GABRB1: variants seen among roughly 807,000 people sequenced by gnomAD.
GABRB1 encodes gamma-aminobutyric acid receptor subunit beta-1.
In GABRB1, 17 loss-of-function variants were observed where a neutral mutation model predicts 51.6. The observed-to-expected ratio is 0.33, with a 90% CI of 0.23 to 0.49. GABRB1 has a LOEUF of 0.49. Among genes scored for constraint, GABRB1 ranks in the 20% least tolerant of loss-of-function variants. The probability of loss-of-function intolerance (pLI) is 0.99; values close to 1 mark genes in which losing one functional copy is unlikely to be tolerated. For missense variants in GABRB1, 410 were observed against 600.6 expected, an observed-to-expected ratio of 0.68 and a Z score of 3.32; for synonymous variants, 247 against 218.9, an observed-to-expected ratio of 1.13 and a Z score of -1.14.
intron 3 of GABRB1, among the ~76,000 whole-genome samples, chr4:47,077,290 G>A (rs1226978159): frequency 6.6e-6 from 1 of 152,116 alleles, no homozygotes; most frequent in Non-Finnish European, 1.5e-5. Context: ...TTAGCTTGTT[G>A]GGAGCTAGAT....
At chr4:47,304,013 G>A (rs766729317) in intron 4 of GABRB1, among the ~76,000 whole-genome samples, 28 of 151,984 alleles carry the variant, frequency 1.8e-4, no homozygotes, top group Non-Finnish European at 3.8e-4. Flanking sequence ...AGACTGAATA[G>A]TATTTCACTG....
chr4:47,390,252 C>T (rs974796569), intron 5 of GABRB1, among the ~76,000 whole-genome samples: 4 of 151,556 alleles, frequency 2.6e-5, no homozygotes, highest in African/African-American at 9.7e-5. Flanking sequence ...AATGATTGGC[C>T]TAAGCCAATC....
intron 8 of GABRB1, among the ~76,000 whole-genome samples, chr4:47,423,296 A>C (rs1729148383): frequency 6.6e-6 from 1 of 152,156 alleles, no homozygotes; most frequent in South Asian, 2.1e-4. Flanking sequence ...GCAACACTAG[A>C]GTCTAGTCCA....
rs796792770 is a variant in GABRB1, at chr4:47,354,986, T to TTTTGTTG, written c.544+34780_544+34781insGTTGTTT. On this transcript the variant is annotated intron_variant, in intron 5 of 8. Coordinates refer to ENST00000295454, the MANE Select transcript of GABRB1 (RefSeq NM_000812.4). ...TTTCTTTCTTTCTTCCTTTGTTTTT[T>TTTTGTTG]TTTTTTTTTTTTTTTTTTTGACAGA... 1.5e-5 allele frequency among the ~76,000 whole-genome samples: 2 copies of TTTTGTTG among 130,416 alleles called. 1 individual carries two copies. Among genetic ancestry groups the TTTTGTTG allele is most frequent in the Non-Finnish European group, 3.3e-5 (2 of 61,154 alleles). The allele number at this position is 130,416 out of a possible 152,430, so 85.6% of individuals were successfully genotyped here.
At chr4:47,407,939 A>T (rs919967639) in intron 8 of GABRB1, among the ~76,000 whole-genome samples, 1 of 152,148 alleles carries the variant, frequency 6.6e-6, no homozygotes, top group Non-Finnish European at 1.5e-5. Context: ...AAAAAATATA[A>T]AAATTAGCCG....
chr4:47,112,372 G>A (rs1715259348), intron 3 of GABRB1, among the ~76,000 whole-genome samples: 1 of 152,166 alleles, frequency 6.6e-6, no homozygotes, highest in Non-Finnish European at 1.5e-5. Context: ...CCCAAGTGCT[G>A]GGATTACAGG....
intron 3 of GABRB1, among the ~76,000 whole-genome samples, chr4:47,039,419 C>A (rs564905822): frequency 6.8e-6 from 1 of 148,110 alleles, no homozygotes; most frequent in Non-Finnish European, 1.5e-5. Context: ...AGCTTATAGT[C>A]TTTTTCAAAA....
At chr4:47,405,408 T>A (rs920657264) in intron 7 of GABRB1, among the ~76,000 whole-genome samples, 1 of 152,232 alleles carries the variant, frequency 6.6e-6, no homozygotes, top group African/African-American at 2.4e-5. Flanking sequence ...GAAGTTCTCC[T>A]TTGTCTTTAC....
chr4:47,330,498 G>A (rs962410831), intron 5 of GABRB1, among the ~76,000 whole-genome samples: 1 of 152,166 alleles, frequency 6.6e-6, no homozygotes, highest in African/African-American at 2.4e-5. Context: ...GCTGCAAGAA[G>A]GTAGATTTAG....
intron 4 of GABRB1, among the ~76,000 whole-genome samples, chr4:47,190,812 G>C (rs977428086): frequency 4.6e-5 from 7 of 152,102 alleles, no homozygotes; most frequent in Non-Finnish European, 1.0e-4. Context: ...TGAGATCGTA[G>C]GGAGCACAGT....
rs559219026 is a variant in GABRB1 at position 47,382,345 on chromosome 4, T to A, written c.545-20973T>A. Among the ~76,000 whole-genome samples, 39 of 152,218 alleles carry A rather than the reference T, an allele frequency of 2.6e-4. 1 individual carries two copies. Among genetic ancestry groups the A allele is most frequent in the Middle Eastern group, 3.4e-3 (1 of 294 alleles). ...GTAGCACTCCTTTCACAACCAAAAA[T>A]AGACATTGCCAAATGTCTCTGGCAG... On this transcript the variant is annotated intron_variant, in intron 5 of 8. Coordinates refer to ENST00000295454, the MANE Select transcript of GABRB1 (RefSeq NM_000812.4).
chr4:47,139,403 C>A (rs1716816222), intron 3 of GABRB1, among the ~76,000 whole-genome samples: 1 of 152,058 alleles, frequency 6.6e-6, no homozygotes, highest in African/African-American at 2.4e-5. Flanking sequence ...TTATTCACCT[C>A]TATTTCTCCA....
intron 3 of GABRB1, among the ~76,000 whole-genome samples, chr4:47,125,376 TGAAAACATAC>T (rs1716071170): frequency 6.6e-6 from 1 of 151,738 alleles, no homozygotes; most frequent in African/African-American, 2.4e-5. Flanking sequence ...ATTGGTAACA[TGAAAACATAC>T]GAAAATATAA....
intron 4 of GABRB1, among the ~76,000 whole-genome samples, chr4:47,270,281 A>G (rs944305959): frequency 2.0e-5 from 3 of 152,192 alleles, no homozygotes; most frequent in Non-Finnish European, 4.4e-5. Context: ...GTTGCTGCTA[A>G]AATGAGGAAT....
chr4:47,175,198 T>C (rs1371543175), intron 4 of GABRB1, among the ~76,000 whole-genome samples: 1 of 150,530 alleles, frequency 6.6e-6, no homozygotes, highest in African/African-American at 2.4e-5. Context: ...CTCTCTCTCT[T>C]TCTTTCTTTC....
intron 4 of GABRB1, among the ~76,000 whole-genome samples, chr4:47,203,182 C>T (rs977425333): frequency 9.9e-5 from 15 of 152,172 alleles, no homozygotes; most frequent in Non-Finnish European, 5.9e-5. Context: ...GGATAAACAA[C>T]ACCAGGCACT....
chr4:47,404,394 G>A (rs143253324), intron 7 of GABRB1, among the ~76,000 whole-genome samples: 2 of 152,148 alleles, frequency 1.3e-5, no homozygotes, highest in Non-Finnish European at 2.9e-5. Context: ...TGTAAGGTCT[G>A]TCTGGTGAAT....
chr4:47,212,810 G>T (rs995012131), intron 4 of GABRB1, among the ~76,000 whole-genome samples: 1 of 152,110 alleles, frequency 6.6e-6, no homozygotes, highest in African/African-American at 2.4e-5. Context: ...ATAACTGAAA[G>T]TCTATCCCCA....
intron 5 of GABRB1, among the ~76,000 whole-genome samples, chr4:47,380,721 C>G (rs937793323): frequency 6.6e-6 from 1 of 152,034 alleles, no homozygotes; most frequent in Non-Finnish European, 1.5e-5. Context: ...TGATAGAATT[C>G]TATTATGGTT....
Sources: allele counts gnomAD v4.1 joint callset (sites outside exome capture counted in the v4.1 genomes callset), GRCh38; gene constraint gnomAD v4.1.1; transcripts MANE v1.5; gene names NCBI Gene and HGNC (gene_info 2026-07-23, HGNC 2026-07-21).